Variants in RBM47 observed in about 807,000 individuals in gnomAD.
RBM47 encodes the protein RNA binding motif protein 47, also known as RNA-binding protein 47.
A neutral mutation model predicts 47.1 loss-of-function variants in RBM47; 21 were observed. The observed-to-expected ratio is 0.45, with a 90% CI of 0.32 to 0.64. The LOEUF is 0.64. Ranked by LOEUF, RBM47 falls within the 30% of genes least tolerant of loss-of-function variation. The pLI, the probability that RBM47 is intolerant of heterozygous loss-of-function variation, is 0.05. For synonymous variants in RBM47, 375 were observed against 361.7 expected, an observed-to-expected ratio of 1.04 and a Z score of -0.42; for missense variants, 708 against 870.9, an observed-to-expected ratio of 0.81 and a Z score of 2.35.
intron 3 of RBM47, among the ~76,000 whole-genome samples, chr4:40,452,343 GTC>G (rs1457613168): frequency 6.6e-6 from 1 of 152,112 alleles, no homozygotes; most frequent in Non-Finnish European, 1.5e-5. Context: ...AAGGGTCTAA[GTC>G]TCTCACTTTC....
At chr4:40,595,257 A>G (rs1734639923) in intron 1 of RBM47, among the ~76,000 whole-genome samples, 1 of 152,194 alleles carries the variant, frequency 6.6e-6, no homozygotes, top group Admixed American at 6.5e-5. Flanking sequence ...GCACTTTGGG[A>G]GGCTGAGGCA....
intron 1 of RBM47, among the ~76,000 whole-genome samples, chr4:40,562,461 ATTTTTT>A (rs67887812): frequency 2.2e-3 from 251 of 113,760 alleles, no homozygotes; most frequent in African/African-American, 8.4e-3. Context: ...ACTTCTCCCT[ATTTTTT>A]TTTTTTTTTT....
intron 6 of RBM47, among the ~76,000 whole-genome samples, chr4:40,427,826 A>G (rs1464167594): frequency 2.0e-5 from 3 of 151,976 alleles, no homozygotes; most frequent in African/African-American, 7.2e-5. Flanking sequence ...TTACTTTTTA[A>G]AACTATAATC....
intron 2 of RBM47, among the ~76,000 whole-genome samples, chr4:40,506,043 C>G (rs951762290): frequency 6.6e-6 from 1 of 152,138 alleles, no homozygotes; most frequent in Non-Finnish European, 1.5e-5. Flanking sequence ...TTTCTCTGAC[C>G]TATCTACTAT....
intron 2 of RBM47, among the ~76,000 whole-genome samples, chr4:40,495,008 T>C (rs552618192): frequency 2.0e-5 from 3 of 152,270 alleles, no homozygotes; most frequent in Admixed American, 1.3e-4. Context: ...AGTCTCACTA[T>C]GTTGCCTAGG....
chr4:40,518,616 C>T (rs543552428), intron 2 of RBM47, among the ~76,000 whole-genome samples: 12 of 152,128 alleles, frequency 7.9e-5, no homozygotes, highest in Non-Finnish European at 1.3e-4. Flanking sequence ...CTGAGAACCT[C>T]AGCGGGTCCC....
At chr4:40,446,741 A>G (rs1268820639) in intron 3 of RBM47, among the ~76,000 whole-genome samples, 313 of 57,766 alleles carry the variant, frequency 5.4e-3, no homozygotes, top group African/African-American at 0.011. Flanking sequence ...CCAGTCTCAA[A>G]AAAAAAAAAA....
chr4:40,527,742 T>G (rs1560446672), intron 2 of RBM47, among the ~76,000 whole-genome samples: 1 of 134,494 alleles, frequency 7.4e-6, no homozygotes, highest in East Asian at 2.2e-4. Flanking sequence ...CTAGTTTTCA[T>G]TGTGTGTGTG....
intron 2 of RBM47, among the ~76,000 whole-genome samples, chr4:40,467,333 A>G (rs1344127483): frequency 1.3e-5 from 2 of 151,692 alleles, no homozygotes; most frequent in Non-Finnish European, 2.9e-5. Context: ...TCTGTCGCCC[A>G]GGCTGGAGTG....
At chr4:40,565,338 T>C (rs751774576) in intron 1 of RBM47, among the ~76,000 whole-genome samples, 2 of 152,194 alleles carry the variant, frequency 1.3e-5, no homozygotes, top group African/African-American at 4.8e-5. Context: ...CTAGCCAACC[T>C]TGGTGCTGGA....
At position 40,629,423 on chromosome 4, in the gene RBM47, C is replaced by T. The variant is rs1320097121; in HGVS notation, c.-267G>A. On this transcript the variant is annotated 5_prime_UTR_variant, in exon 1 of 7. Coordinates refer to ENST00000295971, the MANE Select transcript of RBM47 (RefSeq NM_001098634.2). ...TTCCTTGTTAAGTTTTTGGAGCCGCCCACTTCAGAAATTAACACCATTCAC... is the reference window on the plus strand; with the variant it reads ...TTCCTTGTTAAGTTTTTGGAGCCGCTCACTTCAGAAATTAACACCATTCAC... 6.6e-6 allele frequency: 1 copy of T among 152,132 alleles called. No homozygotes were observed. The highest frequency in any genetic ancestry group is 1.5e-5 in the Non-Finnish European group (1 of 68,028). The allele number at this position is 152,132 out of a possible 1,614,324, so 9.4% of individuals were successfully genotyped here.
chr4:40,434,002 G>GGGGGGGGT (rs1213913858), intron 5 of RBM47, among the ~76,000 whole-genome samples: 1 of 45,632 alleles, frequency 2.2e-5, no homozygotes, highest in African/African-American at 5.2e-5. Context: ...GTGGGGCGGG[G>GGGGGGGGT]GTGTGTGTGT....
At chr4:40,484,314 A>C (rs1394548537) in intron 2 of RBM47, among the ~76,000 whole-genome samples, 1 of 152,196 alleles carries the variant, frequency 6.6e-6, no homozygotes, top group Non-Finnish European at 1.5e-5. Context: ...ATGATTTGAT[A>C]AAACGAACCT....
chr4:40,549,370 G>A (rs907524206), intron 1 of RBM47, among the ~76,000 whole-genome samples: 1 of 152,166 alleles, frequency 6.6e-6, no homozygotes, highest in Non-Finnish European at 1.5e-5. Flanking sequence ...GGGATTACAG[G>A]CGTGAGCCAC....
At chr4:40,583,373 C>T (rs1312751549) in intron 1 of RBM47, among the ~76,000 whole-genome samples, 2 of 126,334 alleles carry the variant, frequency 1.6e-5, no homozygotes, top group East Asian at 4.5e-4. Flanking sequence ...GAGATCACGC[C>T]ACTACTCCAT....
At chr4:40,624,429 TAAC>T (rs1737544449) in intron 1 of RBM47, among the ~76,000 whole-genome samples, 1 of 152,210 alleles carries the variant, frequency 6.6e-6, no homozygotes, top group African/African-American at 2.4e-5. Flanking sequence ...ATTACCCTGA[TAAC>T]AAACTAGCCC....
At chr4:40,428,406 C>A (rs1241734799) in intron 6 of RBM47, among the ~76,000 whole-genome samples, 1 of 152,204 alleles carries the variant, frequency 6.6e-6, no homozygotes, top group East Asian at 1.9e-4. Context: ...CTGGAGCCTG[C>A]ACTTTTAGCC....
At chr4:40,609,147 C>G (rs999378659) in intron 1 of RBM47, among the ~76,000 whole-genome samples, 1 of 152,028 alleles carries the variant, frequency 6.6e-6, no homozygotes, top group African/African-American at 2.4e-5. Flanking sequence ...TGCCCACCAC[C>G]ACGTCCAGCT....
At position 40,438,680 on chromosome 4, in the gene RBM47, C is replaced by T; in HGVS notation, c.214G>A (p.Glu72Lys). The T allele has an allele frequency of 6.2e-7, 1 of 1,611,832 alleles. No homozygotes were observed. Among genetic ancestry groups the T allele is most frequent in the East Asian group, 2.2e-5 (1 of 44,822 alleles). The change falls in exon 4 of 7, where the codon GAG becomes AAG. Residue 72 changes from glutamate (E) to lysine (K), a missense_variant. By Grantham distance (56) the Glu-to-Lys change is moderately conservative (BLOSUM62 1). Transcript: ENST00000295971. ...CGCGGGATCTTGCCCACGAAGACCT[C>T]GCAGCCACGCTGCGGGTGCGGGCCC... ...WEGPHPQRGC[E>K]VFVGKIPRDV...
Sources: gnomAD v4.1 joint callset for allele counts (sites outside exome capture counted in the v4.1 genomes callset) on GRCh38, gnomAD v4.1.1 for gene constraint, MANE v1.5 for transcripts, NCBI Gene and HGNC (gene_info 2026-07-23, HGNC 2026-07-21) for gene names.